COLEC12: variants seen among roughly 807,000 people sequenced by gnomAD.
COLEC12 encodes collectin-12.
Under a neutral mutation model 71.1 loss-of-function variants are expected in COLEC12, and 33 were observed. The observed-to-expected ratio is 0.46, with a 90% confidence interval of 0.35 to 0.62. The LOEUF (loss-of-function observed/expected upper bound fraction) is 0.62. COLEC12 is among the 20% of genes least tolerant of loss of function. COLEC12 has a pLI of 0.00. For missense variants in COLEC12, 765 were observed against 916.1 expected, an observed-to-expected ratio of 0.84 and a Z score of 2.13; for synonymous variants, 350 against 353.0, an observed-to-expected ratio of 0.99 and a Z score of 0.10.
At chr18:375,023 G>A (rs147212680) in intron 2 of COLEC12, among the ~76,000 whole-genome samples, 1 of 152,332 alleles carries the variant, frequency 6.6e-6, no homozygotes, top group African/African-American at 2.4e-5. Flanking sequence ...ATTAAGAAGT[G>A]TCCTACTTAG....
chr18:357,561 A>G, intron 2 of COLEC12, 39 bp from the exon 3 acceptor site: 1 of 1,485,186 alleles, frequency 6.7e-7, no homozygotes, highest in Non-Finnish European at 9.0e-7. Context: ...GTAAGCAAAG[A>G]TGTCATTTTA....
chr18:321,581 A>C, intron 9 of COLEC12, 81 bp downstream of exon 9: 77 of 1,375,358 alleles, frequency 5.6e-5, no homozygotes, highest in Non-Finnish European at 7.0e-5. Context: ...GCCTGCATTC[A>C]GGGCCCTTGT....
intron 2 of COLEC12, among the ~76,000 whole-genome samples, chr18:402,472 C>T (rs191799570): frequency 7.9e-5 from 12 of 152,134 alleles, no homozygotes; most frequent in African/African-American, 1.9e-4. Context: ...CAGAGTAAAA[C>T]GGCAACACAA....
At chr18:468,706 T>C (rs1014402762) in intron 2 of COLEC12, among the ~76,000 whole-genome samples, 1 of 152,256 alleles carries the variant, frequency 6.6e-6, no homozygotes, top group Non-Finnish European at 1.5e-5. Context: ...AGCACTCCAC[T>C]TGCATTAGTT....
chr18:379,172 G>A (rs1171942170), intron 2 of COLEC12, among the ~76,000 whole-genome samples: 1 of 151,954 alleles, frequency 6.6e-6, no homozygotes, highest in Non-Finnish European at 1.5e-5. Context: ...ACCTAGGCTG[G>A]AGTACGGAGG....
intron 2 of COLEC12, among the ~76,000 whole-genome samples, chr18:417,092 T>C (rs950982643): frequency 7.1e-5 from 10 of 141,696 alleles, no homozygotes; most frequent in Non-Finnish European, 1.3e-4. Flanking sequence ...GATAGGGAGA[T>C]GTTCTGAGAA....
Position 331,783 on chromosome 18 carries a change from A to G in COLEC12, c.1954-6T>C. 6.3e-7 allele frequency: 1 copy of G among 1,585,696 alleles called. No individual in the cohort carries two copies. The highest frequency in any genetic ancestry group is 8.7e-7 in the Non-Finnish European group (1 of 1,153,958). On this transcript the variant is annotated splice_polypyrimidine_tract_variant and splice_region_variant and intron_variant, in intron 7 of 9. Coordinates refer to ENST00000400256, the MANE Select transcript of COLEC12 (RefSeq NM_130386.3). ...ATCTGTTTTTTTATCCATTGCTGAA[A>G]AACAAAGCAGGGGTGGTGCGTGACT...
chr18:371,238 CT>C (rs1372020953), intron 2 of COLEC12, among the ~76,000 whole-genome samples: 1 of 152,190 alleles, frequency 6.6e-6, no homozygotes. Context: ...TCATGTAGAA[CT>C]GTGGTAATGA....
At chr18:338,895 G>A (rs1471905114) in intron 5 of COLEC12, among the ~76,000 whole-genome samples, 1 of 151,970 alleles carries the variant, frequency 6.6e-6, no homozygotes, top group Non-Finnish European at 1.5e-5. Context: ...CTTATGTTCT[G>A]TGTTGAACTT....
At chr18:348,640 C>G (rs1914438823) in intron 3 of COLEC12, among the ~76,000 whole-genome samples, 1 of 152,160 alleles carries the variant, frequency 6.6e-6, no homozygotes, top group Non-Finnish European at 1.5e-5. Context: ...ATTCTATACA[C>G]AAAATCGGCA....
chr18:466,482 T>C (rs772447103), intron 2 of COLEC12, among the ~76,000 whole-genome samples: 4 of 152,152 alleles, frequency 2.6e-5, no homozygotes, highest in Admixed American at 6.5e-5. Flanking sequence ...GACTTACTGC[T>C]TGATTTGGGG....
chr18:358,516 T>C (rs1914675842), intron 2 of COLEC12, among the ~76,000 whole-genome samples: 1 of 152,202 alleles, frequency 6.6e-6, no homozygotes. Flanking sequence ...ATCCCTCACA[T>C]GCACAGTTCA....
intron 2 of COLEC12, among the ~76,000 whole-genome samples, chr18:386,248 T>C (rs961249780): frequency 3.9e-5 from 6 of 152,206 alleles, no homozygotes; most frequent in Non-Finnish European, 7.3e-5. Context: ...TCCAATGTAT[T>C]GAACATTGTT....
chr18:436,826 C>A (rs1916416743), intron 2 of COLEC12, among the ~76,000 whole-genome samples: 1 of 152,068 alleles, frequency 6.6e-6, no homozygotes, highest in South Asian at 2.1e-4. Context: ...GGCCAAGGTC[C>A]AGGTTTTACA....
In COLEC12 at chr18:328,339, C is replaced by T. The variant is rs531534038; in HGVS notation, c.2063+3329G>A. ...TGACTAGGAGGAGACATATTTGGGG[C>T]GGTTTATGCTGGTAGGAGACCCTTG... On this transcript the variant is annotated intron_variant, in intron 8 of 9. Transcript: ENST00000400256. Among the ~76,000 whole-genome samples the T allele has an allele frequency of 6.6e-5, 10 of 152,226 alleles. No homozygotes were observed. In the East Asian group the frequency reaches 1.2e-3, roughly 18 times the overall value.
rs1555611775 is a variant in COLEC12 at position 319,341 on chromosome 18, A to AAAAATATATATATATATATAT, written c.*703_*704insATATATATATATATATATTTT. On this transcript the variant is annotated 3_prime_UTR_variant, in exon 10 of 10. Coordinates refer to ENST00000400256, the MANE Select transcript of COLEC12 (RefSeq NM_130386.3). Reference sequence around the variant, plus strand: ...AACATTAAAAAAAAAAAAAAAAAAAAATATATATATATATATATATATACA... The same window carrying AAAAATATATATATATATATAT: ...AACATTAAAAAAAAAAAAAAAAAAAAAAAATATATATATATATATATATATATATATATATATATATATACA... 1.5e-5 allele frequency: 1 copy of AAAAATATATATATATATATAT among 67,194 alleles called. No homozygotes were observed. Among genetic ancestry groups the AAAAATATATATATATATATAT allele is most frequent in the African/African-American group, 4.9e-5 (1 of 20,532 alleles). 4.2% of individuals were successfully genotyped at this position (67,194 alleles called of 1,614,324 possible).
chr18:335,893 G>A (rs1914109320), intron 5 of COLEC12, among the ~76,000 whole-genome samples: 1 of 152,120 alleles, frequency 6.6e-6, no homozygotes, highest in African/African-American at 2.4e-5. Flanking sequence ...GACAGCCAGG[G>A]GCTTATTCTT....
At chr18:379,060 C>A (rs1426500978) in intron 2 of COLEC12, among the ~76,000 whole-genome samples, 1 of 152,088 alleles carries the variant, frequency 6.6e-6, no homozygotes, top group Non-Finnish European at 1.5e-5. Flanking sequence ...CTCTGGTCGA[C>A]TAAGGCTGGA....
At chr18:414,317 C>T (rs779524565) in intron 2 of COLEC12, among the ~76,000 whole-genome samples, 18 of 152,232 alleles carry the variant, frequency 1.2e-4, no homozygotes, top group African/African-American at 4.1e-4. Context: ...GGGTCGGGCG[C>T]GGTGGCTCAC....
Sources: gnomAD v4.1 joint callset for allele counts (sites outside exome capture counted in the v4.1 genomes callset) on GRCh38, gnomAD v4.1.1 for gene constraint, MANE v1.5 for transcripts, NCBI Gene and HGNC (gene_info 2026-07-23, HGNC 2026-07-21) for gene names.